NXPE4: variants seen among roughly 807,000 people sequenced by gnomAD.
NXPE4 encodes NXPE family member 4.
In NXPE4, 42 loss-of-function variants were observed where a neutral mutation model predicts 33.3. The ratio of observed to expected loss-of-function variants is 1.26; its 90% CI spans 0.98 to 1.63. The LOEUF is 1.63. NXPE4 is among the 40% of genes most tolerant of loss of function. NXPE4 has a pLI of 0.00. For synonymous variants in NXPE4, 253 were observed against 234.9 expected (o/e 1.08, Z -0.71); for missense variants, 709 against 647.6 (o/e 1.09, Z -1.03).
chr11:114,602,827 TATCTC>T, the NXPE4 span, among the ~76,000 whole-genome samples: 9 of 146,682 alleles, frequency 6.1e-5, no homozygotes, highest in African/African-American at 1.7e-4. Context: ...ATATAATAAT[TATCTC>T]ATATAATTAC....
At chr11:114,611,458 T>A in the NXPE4 span, among the ~76,000 whole-genome samples, 3 of 151,942 alleles carry the variant, frequency 2.0e-5, no homozygotes, top group South Asian at 6.2e-4. Context: ...GGATAATAAG[T>A]ATTGCCTCGT....
intron 5 of NXPE4, among the ~76,000 whole-genome samples, chr11:114,577,294 C>G (rs1446228906): frequency 6.6e-6 from 1 of 151,380 alleles, no homozygotes; most frequent in African/African-American, 2.4e-5. Context: ...TGAAGTAACT[C>G]AGGAATGGAA....
chr11:114,612,668 A>G, the NXPE4 span, among the ~76,000 whole-genome samples: 1 of 151,784 alleles, frequency 6.6e-6, no homozygotes. Context: ...CCAGTGGATA[A>G]TACGTGTTGT....
chr11:114,626,567 G>A, the NXPE4 span, among the ~76,000 whole-genome samples: 1 of 152,150 alleles, frequency 6.6e-6, no homozygotes, highest in Non-Finnish European at 1.5e-5. Context: ...CCACAAAGAT[G>A]GGGAAAAAAC....
the NXPE4 span, among the ~76,000 whole-genome samples, chr11:114,640,411 G>A: frequency 2.0e-5 from 3 of 151,084 alleles, no homozygotes; most frequent in Non-Finnish European, 4.4e-5. Flanking sequence ...GAATTGTGCT[G>A]CAATATATAT....
chr11:114,576,824 A>C (rs1021527576), intron 5 of NXPE4, among the ~76,000 whole-genome samples: 1 of 151,714 alleles, frequency 6.6e-6, no homozygotes, highest in African/African-American at 2.4e-5. Flanking sequence ...TGATCCAGCA[A>C]TCCTGCTTCT....
chr11:114,595,890 G>T (rs1399171167), upstream of NXPE4: 2 of 152,328 alleles, frequency 1.3e-5, no homozygotes, highest in East Asian at 3.8e-4. Context: ...TGCATAGTAG[G>T]TTATATGATT....
At chr11:114,597,066 A>G (rs1014026995), upstream of NXPE4, among the ~76,000 whole-genome samples, 3 of 151,956 alleles carry the variant, frequency 2.0e-5, no homozygotes, top group Admixed American at 6.6e-5. Flanking sequence ...TGGAAAAACT[A>G]TCTTGAAGTC....
the NXPE4 span, among the ~76,000 whole-genome samples, chr11:114,605,155 G>GT: frequency 2.6e-5 from 4 of 150,970 alleles, no homozygotes; most frequent in African/African-American, 9.7e-5. Flanking sequence ...CTGTTTCCCA[G>GT]GGATAATAAG....
the NXPE4 span, among the ~76,000 whole-genome samples, chr11:114,643,298 T>A: frequency 2.6e-5 from 4 of 152,170 alleles, 1 homozygote; most frequent in African/African-American, 9.6e-5. Flanking sequence ...TTGTTGCCAC[T>A]GCTTTTGGTG....
At chr11:114,659,386 A>G in the NXPE4 span, among the ~76,000 whole-genome samples, 1 of 152,074 alleles carries the variant, frequency 6.6e-6, no homozygotes, top group Non-Finnish European at 1.5e-5. Flanking sequence ...GCATGAGGAA[A>G]GAATCAGTGA....
the NXPE4 span, among the ~76,000 whole-genome samples, chr11:114,636,053 C>T: frequency 6.6e-6 from 1 of 151,332 alleles, no homozygotes; most frequent in South Asian, 2.1e-4. Flanking sequence ...CCAGTTCCTC[C>T]TTGTACCTCT....
rs986800875 is a variant in NXPE4 at position 114,581,167 on chromosome 11, G to A, written c.892+558C>T. Among the ~76,000 whole-genome samples the A allele has an allele frequency of 3.3e-5, 5 of 152,210 alleles. No individual in the cohort carries two copies. The East Asian group carries it at 9.7e-4, about 29-fold the overall frequency. Reference sequence around the variant, plus strand: ...AACTTGCAGAGACATAAAAGCTCTTGCCTTGAGTCGTTTTAGATAAGAATT... The same window carrying A: ...AACTTGCAGAGACATAAAAGCTCTTACCTTGAGTCGTTTTAGATAAGAATT... On this transcript the variant is annotated intron_variant, in intron 4 of 5. Coordinates refer to ENST00000375478, the MANE Select transcript of NXPE4 (RefSeq NM_001077639.2).
the NXPE4 span, among the ~76,000 whole-genome samples, chr11:114,637,883 G>C: frequency 2.0e-5 from 3 of 151,876 alleles, no homozygotes; most frequent in African/African-American, 7.3e-5. Context: ...CTTTCTCTCT[G>C]GCTGCCCTTA....
At chr11:114,669,303 A>C in the NXPE4 span, among the ~76,000 whole-genome samples, 2 of 152,244 alleles carry the variant, frequency 1.3e-5, no homozygotes, top group Non-Finnish European at 2.9e-5. Context: ...AAAGACTGGA[A>C]ATTGAGCCAC....
At chr11:114,625,986 A>T in the NXPE4 span, among the ~76,000 whole-genome samples, 1 of 143,116 alleles carries the variant, frequency 7.0e-6, no homozygotes. Flanking sequence ...AAAACGGCGC[A>T]CCAGGAGATT....
At chr11:114,606,826 C>T in the NXPE4 span, among the ~76,000 whole-genome samples, 34 of 142,068 alleles carry the variant, frequency 2.4e-4, no homozygotes, top group African/African-American at 8.7e-4. Context: ...GTTACCCAGT[C>T]GATAATAAGT....
chr11:114,623,438 A>C, the NXPE4 span, among the ~76,000 whole-genome samples: 4 of 152,078 alleles, frequency 2.6e-5, no homozygotes, highest in South Asian at 8.3e-4. Context: ...GTATTCCCTC[A>C]TGGGTAACCA....
chr11:114,651,247 C>T, the NXPE4 span, among the ~76,000 whole-genome samples: 4 of 151,946 alleles, frequency 2.6e-5, no homozygotes, highest in Admixed American at 2.6e-4. Flanking sequence ...TTCAGATGTT[C>T]AGATGTGTCC....
Sources: allele counts gnomAD v4.1 joint callset (sites outside exome capture counted in the v4.1 genomes callset), GRCh38; gene constraint gnomAD v4.1.1; transcripts MANE v1.5; gene names NCBI Gene and HGNC (gene_info 2026-07-23, HGNC 2026-07-21).